SUMF1: variants seen among roughly 807,000 people sequenced by gnomAD.
SUMF1 encodes the protein sulfatase modifying factor 1.
In SUMF1, 48 loss-of-function variants were observed where a neutral mutation model predicts 47.6. The ratio of observed to expected loss-of-function variants is 1.01; its 90% CI spans 0.80 to 1.28. SUMF1 has a LOEUF of 1.28. Among genes scored for constraint, SUMF1 ranks in the 50% most tolerant of loss-of-function variants. The probability of loss-of-function intolerance (pLI) is 0.00; values close to 1 mark genes in which losing one functional copy is unlikely to be tolerated. For missense variants in SUMF1, 571 were observed against 485.4 expected (o/e 1.18, Z -1.66); for synonymous variants, 230 against 192.1 (o/e 1.20, Z -1.63).
At chr3:4,384,888 T>TC (rs1700622343) in intron 7 of SUMF1, among the ~76,000 whole-genome samples, 1 of 151,566 alleles carries the variant, frequency 6.6e-6, no homozygotes, top group African/African-American at 2.4e-5. Flanking sequence ...CTTTTTTCTT[T>TC]TTTCTTTTTT....
intron 8 of SUMF1, among the ~76,000 whole-genome samples, chr3:4,199,823 A>T (rs992119688): frequency 5.9e-5 from 9 of 152,034 alleles, no homozygotes; most frequent in Non-Finnish European, 8.8e-5. Flanking sequence ...TGGATTATGA[A>T]TCTTCAGGTT....
chr3:4,269,556 G>A (rs953830197), intron 8 of SUMF1, among the ~76,000 whole-genome samples: 1 of 152,140 alleles, frequency 6.6e-6, no homozygotes, highest in East Asian at 1.9e-4. Context: ...AAATTACTTG[G>A]TATTTGCAGA....
At position 4,178,206 on chromosome 3, in the gene SUMF1, C is replaced by T. The variant is rs544329745; in HGVS notation, c.1015-109461G>A. ...ACTCATTTGATGAGGCCAGCATCAT[C>T]CTGATACCAAAGCCTGGCAGAGACA... is the stretch of plus-strand genomic sequence containing the variant. On this transcript the variant is annotated intron_variant and NMD_transcript_variant, in intron 8 of 12. Transcript: ENST00000448413. Among the ~76,000 whole-genome samples the T allele has an allele frequency of 1.4e-4, 21 of 152,244 alleles. No homozygotes were observed. The South Asian group carries it at 2.7e-3, about 20-fold the overall frequency.
chr3:4,141,703 T>C (rs929131584), intron 8 of SUMF1, among the ~76,000 whole-genome samples: 2 of 151,632 alleles, frequency 1.3e-5, no homozygotes, highest in South Asian at 2.1e-4. Context: ...ACAAAAAACA[T>C]AGCTATTGCA....
At chr3:4,277,355 C>T (rs1422758428) in intron 8 of SUMF1, among the ~76,000 whole-genome samples, 1 of 152,076 alleles carries the variant, frequency 6.6e-6, no homozygotes, top group Non-Finnish European at 1.5e-5. Flanking sequence ...ATTATAATTA[C>T]ATATAAATAA....
intron 8 of SUMF1, among the ~76,000 whole-genome samples, chr3:4,075,264 C>T (rs1291006971): frequency 6.6e-6 from 1 of 151,980 alleles, no homozygotes; most frequent in African/African-American, 2.4e-5. Context: ...TCAATAGATA[C>T]AAAAGAGGAC....
At chr3:4,257,473 A>T (rs1208822707) in intron 8 of SUMF1, among the ~76,000 whole-genome samples, 1 of 151,176 alleles carries the variant, frequency 6.6e-6, no homozygotes, top group African/African-American at 2.4e-5. Context: ...AACAACAGAC[A>T]AACAGAGAAC....
chr3:4,180,059 G>A (rs1695058154), intron 8 of SUMF1, among the ~76,000 whole-genome samples: 3 of 152,186 alleles, frequency 2.0e-5, no homozygotes. Context: ...TGCTTGAGAG[G>A]ATGTGGAGAA....
At chr3:4,238,302 T>G (rs1432749465) in intron 8 of SUMF1, among the ~76,000 whole-genome samples, 1 of 152,196 alleles carries the variant, frequency 6.6e-6, no homozygotes, top group Non-Finnish European at 1.5e-5. Context: ...AGTAACGGGA[T>G]TGCTGGGTCA....
rs139330707 is a variant in SUMF1, at chr3:4,296,743, A to C, written c.1014+79587T>G. 5.2e-4 allele frequency among the ~76,000 whole-genome samples: 79 copies of C among 152,284 alleles called. 1 individual carries two copies. The East Asian group carries it at 0.013, about 25-fold the overall frequency. On this transcript the variant is annotated intron_variant and NMD_transcript_variant, in intron 8 of 12. Transcript: ENST00000448413. ...AACACAGCGAAACCATATCAAGAGC[A>C]AAGTAGCTAATTATCCAACCCACAC...
In SUMF1 at chr3:4,260,886, G is replaced by C. The variant is rs148067345; in HGVS notation, c.1014+115444C>G. On this transcript the variant is annotated intron_variant and NMD_transcript_variant, in intron 8 of 12. Transcript: ENST00000448413. ...TAGCCAAGGAATGCAGCCACCTCTAGAAGCTAGAAAAGGCAAGGTAACGAA... is the reference window on the plus strand; with the variant it reads ...TAGCCAAGGAATGCAGCCACCTCTACAAGCTAGAAAAGGCAAGGTAACGAA... 6.6e-4 allele frequency among the ~76,000 whole-genome samples: 101 copies of C among 152,282 alleles called. 1 individual carries two copies. Among genetic ancestry groups the C allele is most frequent in the Middle Eastern group, 3.4e-3 (1 of 294 alleles).
Position 4,085,213 on chromosome 3 carries a change from G to A in SUMF1, c.1015-16468C>T, listed in dbSNP as rs111439525. ...GAACATGTGTTTCCCAGTACTTCAA[G>A]TAGGGATAAAATATATGTGGCTGGG... On this transcript the variant is annotated intron_variant and NMD_transcript_variant, in intron 8 of 12. Coordinates refer to the SUMF1 transcript ENST00000448413. Among the ~76,000 whole-genome samples the A allele has an allele frequency of 7.6e-3, 1,160 of 152,152 alleles. 11 individuals are homozygous for A. Among genetic ancestry groups the A allele is most frequent in the African/African-American group, 0.026 (1,096 of 41,466 alleles).
intron 3 of SUMF1, among the ~76,000 whole-genome samples, chr3:4,430,491 G>C (rs995796581): frequency 2.6e-5 from 4 of 152,136 alleles, no homozygotes; most frequent in South Asian, 2.1e-4. Flanking sequence ...TCTCATATAG[G>C]CTCGCTAGGA....
At chr3:4,066,861 A>G (rs1052505949) in intron 9 of SUMF1, among the ~76,000 whole-genome samples, 1 of 152,208 alleles carries the variant, frequency 6.6e-6, no homozygotes, top group Non-Finnish European at 1.5e-5. Flanking sequence ...GCATACGAGC[A>G]TAAGACCTAA....
intron 9 of SUMF1, among the ~76,000 whole-genome samples, chr3:4,040,911 G>A (rs1485492941): frequency 6.6e-6 from 1 of 152,146 alleles, no homozygotes. Flanking sequence ...ATAACCAAAA[G>A]TGTTCAAGCA....
intron 8 of SUMF1, among the ~76,000 whole-genome samples, chr3:4,180,552 G>A (rs1367160671): frequency 6.6e-6 from 1 of 152,022 alleles, no homozygotes; most frequent in East Asian, 1.9e-4. Context: ...ATGGGGTGGG[G>A]GGCTGGGGGA....
At chr3:4,061,786 A>C (rs1313397095) in intron 9 of SUMF1, among the ~76,000 whole-genome samples, 1 of 152,098 alleles carries the variant, frequency 6.6e-6, no homozygotes, top group Non-Finnish European at 1.5e-5. Context: ...AAACTCTATG[A>C]TTGGTACAAG....
chr3:4,413,455 G>A (rs1701609618), intron 6 of SUMF1, among the ~76,000 whole-genome samples: 1 of 152,008 alleles, frequency 6.6e-6, no homozygotes, highest in Non-Finnish European at 1.5e-5. Context: ...TTTAAGTGAA[G>A]TAGAATGTGG....
At chr3:4,271,559 T>C (rs1697305500) in intron 8 of SUMF1, among the ~76,000 whole-genome samples, 1 of 152,122 alleles carries the variant, frequency 6.6e-6, no homozygotes, top group African/African-American at 2.4e-5. Context: ...TGGAATGCAG[T>C]GGCGTGATGG....
Sources: gnomAD v4.1 joint callset for allele counts (sites outside exome capture counted in the v4.1 genomes callset) on GRCh38, gnomAD v4.1.1 for gene constraint, MANE v1.5 for transcripts, NCBI Gene and HGNC (gene_info 2026-07-23, HGNC 2026-07-21) for gene names.